Variants in GRM8 observed in about 807,000 individuals in gnomAD.
GRM8 encodes metabotropic glutamate receptor 8.
A neutral mutation model predicts 87.2 loss-of-function variants in GRM8; 47 were observed. The observed-to-expected ratio is 0.54, with a 90% confidence interval of 0.43 to 0.69. GRM8 has a LOEUF of 0.69. GRM8 is among the 30% of genes least tolerant of loss of function. The probability of loss-of-function intolerance (pLI) is 0.00; values close to 1 mark genes in which losing one functional copy is unlikely to be tolerated. For synonymous variants in GRM8, 396 were observed against 404.5 expected (o/e 0.98, Z 0.25); for missense variants, 1,019 against 1,139.2 (o/e 0.89, Z 1.52).
At chr7:127,204,269 A>C (rs1041983043) in intron 2 of GRM8, among the ~76,000 whole-genome samples, 2 of 152,202 alleles carry the variant, frequency 1.3e-5, no homozygotes, top group African/African-American at 4.8e-5. Flanking sequence ...ATACATATCT[A>C]ACTTTTGCCT....
chr7:127,135,077 G>T (rs1011712298), intron 2 of GRM8, among the ~76,000 whole-genome samples: 1 of 151,474 alleles, frequency 6.6e-6, no homozygotes, highest in Non-Finnish European at 1.5e-5. Context: ...CTTTTTTTTA[G>T]ATCAATGATT....
At chr7:126,554,887 A>T (rs1172387104) in intron 8 of GRM8, among the ~76,000 whole-genome samples, 1 of 152,198 alleles carries the variant, frequency 6.6e-6, no homozygotes, top group African/African-American at 2.4e-5. Flanking sequence ...TTCTTAAAGA[A>T]CTTCCTGTTT....
chr7:126,719,738 A>G (rs1473435242), intron 7 of GRM8, among the ~76,000 whole-genome samples: 1 of 151,778 alleles, frequency 6.6e-6, no homozygotes, highest in Admixed American at 6.6e-5. Context: ...ACAATTCACC[A>G]GGCCTCCAGG....
intron 1 of GRM8, among the ~76,000 whole-genome samples, chr7:127,247,377 C>T: frequency 6.6e-6 from 1 of 152,156 alleles, no homozygotes; most frequent in East Asian, 1.9e-4. Context: ...ATACCATTAT[C>T]CAAGAATTGT....
chr7:126,485,614 A>T (rs1807260593), intron 9 of GRM8, among the ~76,000 whole-genome samples: 1 of 151,986 alleles, frequency 6.6e-6, no homozygotes. Context: ...AGACCTCTCT[A>T]TTATAGTATA....
intron 9 of GRM8, among the ~76,000 whole-genome samples, chr7:126,488,935 T>C (rs1339596697): frequency 1.3e-5 from 2 of 151,824 alleles, no homozygotes; most frequent in East Asian, 3.9e-4. Context: ...AATTATGTTA[T>C]CATGTCTTCT....
intron 7 of GRM8, among the ~76,000 whole-genome samples, chr7:126,728,581 G>A (rs927977423): frequency 3.3e-5 from 5 of 152,246 alleles, no homozygotes; most frequent in Non-Finnish European, 2.9e-5. Context: ...GAGGTGGGCC[G>A]TCCACACAAA....
chr7:126,999,013 C>A (rs545911528), intron 3 of GRM8, among the ~76,000 whole-genome samples: 1 of 151,888 alleles, frequency 6.6e-6, no homozygotes, highest in Non-Finnish European at 1.5e-5. Context: ...AATTATACTA[C>A]AGGGCAATAA....
At chr7:126,537,764 G>A (rs555993715) in intron 8 of GRM8, among the ~76,000 whole-genome samples, 3 of 151,786 alleles carry the variant, frequency 2.0e-5, no homozygotes, top group South Asian at 2.1e-4. Context: ...GTGACAGAGC[G>A]AGACTCCGTC....
Position 127,001,522 on chromosome 7 carries a change from T to G in GRM8, c.728-96839A>C, listed in dbSNP as rs553554458. Among the ~76,000 whole-genome samples, 11 of 151,724 alleles carry G rather than the reference T, an allele frequency of 7.3e-5. No individual in the cohort carries two copies. In the South Asian group the frequency reaches 2.1e-3, roughly 29 times the overall value. ...ACTAAGTACATCAAAAAATGCACAT[T>G]TAAACCACATTTAGTTACCATTACA... On this transcript the variant is annotated intron_variant, in intron 3 of 10. Transcript: ENST00000339582.
chr7:127,125,557 A>G (rs1224220480), intron 2 of GRM8, among the ~76,000 whole-genome samples: 1 of 152,012 alleles, frequency 6.6e-6, no homozygotes, highest in Admixed American at 6.6e-5. Context: ...AAACTCTTCT[A>G]GACAATGAAT....
intron 2 of GRM8, among the ~76,000 whole-genome samples, chr7:127,186,425 G>T (rs1647445040): frequency 1.3e-5 from 2 of 152,244 alleles, no homozygotes; most frequent in African/African-American, 4.8e-5. Flanking sequence ...TCCCAGGAAG[G>T]CCAAGTGGCA....
At chr7:126,539,317 G>A (rs1374791947) in intron 8 of GRM8, among the ~76,000 whole-genome samples, 1 of 151,888 alleles carries the variant, frequency 6.6e-6, no homozygotes, top group African/African-American at 2.4e-5. Flanking sequence ...AAGAAATCCT[G>A]TGTTTATGAA....
At chr7:126,768,172 T>A (rs964672076) in intron 7 of GRM8, among the ~76,000 whole-genome samples, 20 of 151,802 alleles carry the variant, frequency 1.3e-4, no homozygotes. Context: ...ATCCAGAATA[T>A]CTCCCTTTTC....
intron 2 of GRM8, among the ~76,000 whole-genome samples, chr7:127,123,189 C>T (rs1376511771): frequency 6.6e-6 from 1 of 152,114 alleles, no homozygotes; most frequent in Non-Finnish European, 1.5e-5. Context: ...GCCAGGGCTA[C>T]TGAGTCCCTT....
intron 8 of GRM8, among the ~76,000 whole-genome samples, chr7:126,544,746 G>C (rs1431742938): frequency 6.6e-6 from 1 of 152,044 alleles, no homozygotes; most frequent in Non-Finnish European, 1.5e-5. Flanking sequence ...CTGACCTCAT[G>C]ATCCGCCCGC....
intron 8 of GRM8, among the ~76,000 whole-genome samples, chr7:126,603,415 G>C (rs973006662): frequency 1.8e-4 from 27 of 151,174 alleles, no homozygotes; most frequent in South Asian, 4.2e-4. Context: ...GAAATAAAGG[G>C]TATTCAATTA....
intron 7 of GRM8, 27 bp downstream of exon 7, chr7:126,769,838 T>C (rs371284754): frequency 1.4e-4 from 206 of 1,465,976 alleles, no homozygotes; most frequent in Non-Finnish European, 1.9e-4. Flanking sequence ...TTTTAATGTA[T>C]TTAGACACAC....
At position 126,537,799 on chromosome 7, in the gene GRM8, C is replaced by CA. The variant is rs1051276754; in HGVS notation, c.1495-3913dup. ...CAAAAAAAACAAACAAACAAACAAA[C>CA]AAAAAAAACACTATTTGAAAGTGAA... On this transcript the variant is annotated intron_variant, in intron 8 of 10. Transcript: ENST00000339582. Among the ~76,000 whole-genome samples, 16 of 151,300 alleles carry CA rather than the reference C, an allele frequency of 1.1e-4. No individual in the cohort carries two copies. The East Asian group carries it at 1.8e-3, about 17-fold the overall frequency.
Sources: allele counts gnomAD v4.1 joint callset (sites outside exome capture counted in the v4.1 genomes callset), GRCh38; gene constraint gnomAD v4.1.1; transcripts MANE v1.5; gene names NCBI Gene and HGNC (gene_info 2026-07-23, HGNC 2026-07-21).